NOM1: variants seen among roughly 807,000 people sequenced by gnomAD.
The protein encoded by NOM1 is nucleolar MIF4G domain-containing protein 1.
A neutral mutation model predicts 73.3 loss-of-function variants in NOM1; 58 were observed. The ratio of observed to expected loss-of-function variants is 0.79; its 90% CI spans 0.64 to 0.99. The LOEUF is 0.99. Ranked by LOEUF, NOM1 falls within the 50% of genes least tolerant of loss-of-function variation. The pLI, the probability that NOM1 is intolerant of heterozygous loss-of-function variation, is 0.00. For synonymous variants in NOM1, 487 were observed against 446.8 expected (o/e 1.09, Z -1.14); for missense variants, 1,226 against 1,131.9 (o/e 1.08, Z -1.19).
chr7:156,956,983 A>G (rs1804740488), intron 3 of NOM1, among the ~76,000 whole-genome samples: 1 of 152,112 alleles, frequency 6.6e-6, no homozygotes, highest in Admixed American at 6.6e-5. Context: ...GAGTTACAGG[A>G]AAAGCCACAG....
Position 156,973,075 on chromosome 7 carries a change from G to A in NOM1, c.*3372G>A, listed in dbSNP as rs1043203642. 1 of 149,358 alleles carries A rather than the reference G, an allele frequency of 6.7e-6. No homozygotes were observed. The highest frequency in any genetic ancestry group is 2.5e-5 in the African/African-American group (1 of 40,414). The allele number at this position is 149,358 out of a possible 1,614,324, so 9.3% of individuals were successfully genotyped here. On this transcript the variant is annotated 3_prime_UTR_variant, in exon 11 of 11. Coordinates refer to ENST00000275820, the MANE Select transcript of NOM1 (RefSeq NM_138400.2). ...GCAGGTTGAGAACTGCTAATGTATA[G>A]AATGACTAAACAGCTGTCTTTCAGG...
intron 8 of NOM1, 46 bp downstream of exon 8, chr7:156,966,448 T>G (rs1221404665): frequency 6.2e-7 from 1 of 1,609,016 alleles, no homozygotes; most frequent in South Asian, 1.1e-5. Flanking sequence ...TACTATTTTT[T>G]CTACACAGGC....
chr7:156,949,796 T>C lies in NOM1; in HGVS notation c.59T>C (p.Val20Ala). Residue 20 changes from valine (V) to alanine (A), a missense_variant, in exon 1 of 11, where the codon GTC becomes GCC. By Grantham distance (64) the Val-to-Ala change is moderately conservative (BLOSUM62 0). Coordinates refer to ENST00000275820, the MANE Select transcript of NOM1 (RefSeq NM_138400.2). ...AGPGGSQGRV[V>A]RMKRRGGRGP... ...CCGGGCGGCTCCCAGGGACGCGTGG[T>C]CCGCATGAAGCGCAGAGGCGGGCGC... The C allele has an allele frequency of 7.0e-7, 1 of 1,420,532 alleles. No homozygotes were observed. Among genetic ancestry groups the C allele is most frequent in the Admixed American group, 3.1e-5 (1 of 32,626 alleles). The allele number at this position is 1,420,532 out of a possible 1,614,324, so 88.0% of individuals were successfully genotyped here. A position where few individuals can be genotyped will look rare whatever the true frequency, so the allele number is the denominator to read the frequency against.
chr7:156,957,774 C>CAAAAAAA (rs10549596), intron 3 of NOM1, among the ~76,000 whole-genome samples: 543 of 115,368 alleles, frequency 4.7e-3, no homozygotes, highest in Non-Finnish European at 5.5e-3. Context: ...GACTCCGTCT[C>CAAAAAAA]AAAAAAAAAA....
rs748474086 is a variant in NOM1 at position 156,950,317 on chromosome 7, G to A, written c.580G>A (p.Gly194Ser). The A allele has an allele frequency of 1.9e-6, 3 of 1,614,046 alleles. No homozygotes were observed. Among genetic ancestry groups the A allele is most frequent in the Non-Finnish European group, 1.7e-6 (2 of 1,179,924 alleles). The change falls in exon 1 of 11, where the codon GGT (glycine) becomes AGT (serine). Residue 194 changes from glycine to serine, a missense_variant. By Grantham distance (56) the Gly-to-Ser change is moderately conservative. Transcript: ENST00000275820. ...REIRKLERCL[G>S]LNKRKKKDGS... is the part of the protein sequence containing the mutation. ...GATCCGAAAGCTGGAGCGTTGCCTCGGTTTGAACAAGCGCAAAAAGAAGGA... is the reference window on the plus strand; with the variant it reads ...GATCCGAAAGCTGGAGCGTTGCCTCAGTTTGAACAAGCGCAAAAAGAAGGA...
At chr7:156,954,713 C>A (rs1804679949) in intron 3 of NOM1, among the ~76,000 whole-genome samples, 1 of 151,926 alleles carries the variant, frequency 6.6e-6, no homozygotes, top group East Asian at 1.9e-4. Flanking sequence ...CACTCTGTTG[C>A]CCAGGCTGGT....
intron 6 of NOM1, 154 bp downstream of exon 6, chr7:156,963,329 A>G (rs1244849140): frequency 2.8e-6 from 2 of 716,106 alleles, no homozygotes; most frequent in East Asian, 5.4e-5. Context: ...TGCTATTAAT[A>G]TTACATTGTG....
intron 6 of NOM1, chr7:156,963,468 C>T: frequency 2.0e-6 from 1 of 489,672 alleles, no homozygotes; most frequent in South Asian, 2.2e-5. Context: ...GCTGAGACCC[C>T]TCAGGCTGCC....
intron 3 of NOM1, among the ~76,000 whole-genome samples, chr7:156,959,390 A>G (rs1479870080): frequency 7.0e-6 from 1 of 143,366 alleles, no homozygotes; most frequent in Non-Finnish European, 1.5e-5. Context: ...GGCGCACACC[A>G]CCACACCTGG....
intron 4 of NOM1, 171 bp downstream of exon 4, chr7:156,960,345 A>C: frequency 3.4e-6 from 2 of 590,686 alleles, no homozygotes; most frequent in Non-Finnish European, 5.9e-6. Flanking sequence ...TTATTCCTTT[A>C]CCAGAAAAAT....
At position 156,962,138 on chromosome 7, in the gene NOM1, A is replaced by AT. The variant is rs1804880232; in HGVS notation, c.1633-8dup. The AT allele has an allele frequency of 6.2e-7, 1 of 1,606,070 alleles. No homozygotes were observed. Among genetic ancestry groups the AT allele is most frequent in the Non-Finnish European group, 8.5e-7 (1 of 1,175,742 alleles). ...GAAATGATGGACTTTCCATTTTTTC[A>AT]TTTTTCTTGAAGATTCGGTTTATGC... On this transcript the variant is annotated splice_polypyrimidine_tract_variant and intron_variant, in intron 4 of 10. Coordinates refer to ENST00000275820, the MANE Select transcript of NOM1 (RefSeq NM_138400.2).
chr7:156,962,954 G>T (rs1028363306), intron 5 of NOM1, 54 bp from the exon 6 acceptor site: 105 of 1,559,390 alleles, frequency 6.7e-5, no homozygotes, highest in Admixed American at 1.6e-4. Context: ...GGTGATGGAA[G>T]GACGGAATAT....
chr7:156,959,068 A>G (rs1256739127), intron 3 of NOM1, among the ~76,000 whole-genome samples: 2 of 151,914 alleles, frequency 1.3e-5, no homozygotes, highest in Non-Finnish European at 2.9e-5. Context: ...AATCTGCAAA[A>G]AAATCTTTTA....
At chr7:156,964,122 C>A in intron 7 of NOM1, 96 bp downstream of exon 7, 2 of 1,332,218 alleles carry the variant, frequency 1.5e-6, no homozygotes, top group Non-Finnish European at 1.0e-6. Context: ...GAGTCTGATG[C>A]TGCCTAGGGA....
chr7:156,957,080 T>G (rs1262067222), intron 3 of NOM1, among the ~76,000 whole-genome samples: 1 of 152,224 alleles, frequency 6.6e-6, no homozygotes, highest in African/African-American at 2.4e-5. Flanking sequence ...CCTTTGCTAA[T>G]TGCATGAAGG....
Position 156,969,632 on chromosome 7 carries a change from G to A in NOM1, c.2512G>A (p.Ala838Thr), listed in dbSNP as rs571283121. The A allele has an allele frequency of 5.0e-6, 8 of 1,614,014 alleles. No homozygotes were observed. The African/African-American group carries it at 9.3e-5, about 19-fold the overall frequency. Residue 838 changes from alanine (A) to threonine (T), a missense_variant, in exon 11 of 11, where the codon GCC becomes ACC. By Grantham distance (58) the Ala-to-Thr change is moderately conservative (BLOSUM62 0). Transcript: ENST00000275820. ...NAQAHRSADE[A>T]NVLREKADLA... ...ACAGGCCCACAGAAGCGCCGACGAAGCCAACGTGCTGAGAGAGAAAGCTGA... is the reference window on the plus strand; with the variant it reads ...ACAGGCCCACAGAAGCGCCGACGAAACCAACGTGCTGAGAGAGAAAGCTGA...
chr7:156,955,244 C>G (rs1390971580), intron 3 of NOM1, among the ~76,000 whole-genome samples: 1 of 152,180 alleles, frequency 6.6e-6, no homozygotes, highest in African/African-American at 2.4e-5. Flanking sequence ...CAGTCACTGC[C>G]CTCTTCTGGG....
At chr7:156,961,056 G>A (rs1049563855) in intron 4 of NOM1, among the ~76,000 whole-genome samples, 1 of 152,158 alleles carries the variant, frequency 6.6e-6, no homozygotes, top group Non-Finnish European at 1.5e-5. Context: ...TGAACAGAGT[G>A]GGCTGAAGGG....
chr7:156,962,056 A>G, intron 4 of NOM1, 95 bp from the exon 5 acceptor site: 2 of 950,458 alleles, frequency 2.1e-6, no homozygotes, highest in South Asian at 2.7e-5. Flanking sequence ...GGTGGCGGCC[A>G]TGTGCATCAG....
Sources: gnomAD v4.1 joint callset for allele counts (sites outside exome capture counted in the v4.1 genomes callset) on GRCh38, gnomAD v4.1.1 for gene constraint, MANE v1.5 for transcripts, NCBI Gene and HGNC (gene_info 2026-07-23, HGNC 2026-07-21) for gene names.